Variants in ITPR2 observed in about 807,000 individuals in gnomAD.
ITPR2 encodes the protein inositol 1,4,5-trisphosphate receptor type 2.
Under a neutral mutation model 317.1 loss-of-function variants are expected in ITPR2, and 207 were observed. The observed-to-expected ratio is 0.65, with a 90% CI of 0.58 to 0.73. ITPR2 has a LOEUF of 0.73. Among genes scored for constraint, ITPR2 ranks in the 30% least tolerant of loss-of-function variants. The pLI is 0.00. For missense variants in ITPR2, 2,613 were observed against 3,284.0 expected, an observed-to-expected ratio of 0.80 and a Z score of 4.99; for synonymous variants, 1,156 against 1,149.1, an observed-to-expected ratio of 1.01 and a Z score of -0.12.
chr12:26,436,130 A>T, intron 48 of ITPR2, 91 bp downstream of exon 48: 1 of 1,232,418 alleles, frequency 8.1e-7, no homozygotes, highest in Non-Finnish European at 1.1e-6. Flanking sequence ...AAATCCATTT[A>T]ACAGGAATGA....
At chr12:26,534,955 T>A (rs1439197044) in intron 37 of ITPR2, among the ~76,000 whole-genome samples, 1 of 152,212 alleles carries the variant, frequency 6.6e-6, no homozygotes, top group Non-Finnish European at 1.5e-5. Flanking sequence ...AGAAATAAGT[T>A]CTGGTGTTCT....
chr12:26,593,131 T>A (rs1377502979), intron 32 of ITPR2, among the ~76,000 whole-genome samples: 1 of 152,194 alleles, frequency 6.6e-6, no homozygotes. Context: ...TCTTTTGAAA[T>A]CCCTACTCTT....
intron 50 of ITPR2, among the ~76,000 whole-genome samples, chr12:26,418,756 T>C (rs1940800558): frequency 1.3e-5 from 2 of 152,084 alleles, no homozygotes; most frequent in South Asian, 4.1e-4. Context: ...AAGGGAAATA[T>C]TAGTTGGCTG....
chr12:26,631,968 C>G lies in ITPR2; in HGVS notation c.2832G>C (p.Pro944=), dbSNP rs374132493. ...TCGGGTGGATGCTGGGTGGCACATC[C>G]GGCACGCTCATGGGGAAGATGGAGC... ...SRGSIFPMSV[P]DVPPSIHPSK... is the part of the protein sequence containing the mutation. The change falls in exon 22 of 57, where the codon CCG becomes CCC. Residue 944 remains proline, a synonymous_variant. Coordinates refer to ENST00000381340, the MANE Select transcript of ITPR2 (RefSeq NM_002223.4). The G allele has an allele frequency of 3.7e-6, 6 of 1,613,544 alleles. No individual in the cohort carries two copies. The highest frequency in any genetic ancestry group is 5.1e-6 in the Non-Finnish European group (6 of 1,179,842).
rs533834254 is a variant in ITPR2, at chr12:26,486,452, C to A, written c.5555-92G>T. On this transcript the variant is annotated intron_variant, in intron 40 of 56. Coordinates refer to ENST00000381340, the MANE Select transcript of ITPR2 (RefSeq NM_002223.4). Reference sequence around the variant, plus strand: ...CAAACCAGGTACCCAAATTCTCTAACAATTGAATTAAAAATAATCTGACAA... The same window carrying A: ...CAAACCAGGTACCCAAATTCTCTAAAAATTGAATTAAAAATAATCTGACAA... The A allele has an allele frequency of 2.9e-5, 29 of 1,011,282 alleles. No homozygotes were observed. The African/African-American group carries it at 3.7e-4, about 13-fold the overall frequency. The allele number at this position is 1,011,282 out of a possible 1,614,324, so 62.6% of individuals were successfully genotyped here.
Position 26,640,339 on chromosome 12 carries a change from G to A in ITPR2, c.2741-8280C>T, listed in dbSNP as rs188789571. Among the ~76,000 whole-genome samples the A allele has an allele frequency of 1.3e-4, 19 of 151,440 alleles. No homozygotes were observed. The East Asian group carries it at 1.9e-3, about 15-fold the overall frequency. On this transcript the variant is annotated intron_variant, in intron 21 of 56. Coordinates refer to ENST00000381340, the MANE Select transcript of ITPR2 (RefSeq NM_002223.4). Reference sequence around the variant, plus strand: ...GTTTACCTATGTAACAAACCGCTACGTCCTAAACATTTATCCCAGAACTTA... The same window carrying A: ...GTTTACCTATGTAACAAACCGCTACATCCTAAACATTTATCCCAGAACTTA...
At chr12:26,507,863 C>CTCTGTGTGTGTGTGTGTGTGTG (rs372756412) in intron 37 of ITPR2, among the ~76,000 whole-genome samples, 4 of 132,200 alleles carry the variant, frequency 3.0e-5, no homozygotes, top group Non-Finnish European at 5.0e-5. Context: ...CTCTCTGTCT[C>CTCTGTGTGTGTGTGTGTGTGTG]TGTGTGTGTG....
chr12:26,560,029 G>T (rs1312323668), intron 35 of ITPR2, among the ~76,000 whole-genome samples: 1 of 152,088 alleles, frequency 6.6e-6, no homozygotes. Context: ...TAGACCCCAT[G>T]GCTCTCTCTT....
intron 45 of ITPR2, among the ~76,000 whole-genome samples, chr12:26,457,652 T>C (rs1257546284): frequency 6.6e-6 from 1 of 152,168 alleles, no homozygotes; most frequent in Non-Finnish European, 1.5e-5. Flanking sequence ...GGGCAGATTC[T>C]GTAACATACG....
chr12:26,500,714 T>C (rs1326737722), intron 37 of ITPR2, among the ~76,000 whole-genome samples: 8 of 152,162 alleles, frequency 5.3e-5, no homozygotes, highest in Non-Finnish European at 1.5e-5. Context: ...TCCCACCCAC[T>C]CCCTGTTACA....
intron 2 of ITPR2, among the ~76,000 whole-genome samples, chr12:26,760,123 A>C (rs1949603848): frequency 6.6e-6 from 1 of 152,212 alleles, no homozygotes; most frequent in Non-Finnish European, 1.5e-5. Flanking sequence ...CACTTTATTC[A>C]TGTAGATTCA....
rs146137222 is a variant in ITPR2, at chr12:26,543,244, A to T, written c.5073+7003T>A. Among the ~76,000 whole-genome samples, 1,421 of 152,108 alleles carry T rather than the reference A, an allele frequency of 9.3e-3. 15 individuals carry two copies. Among genetic ancestry groups the T allele is most frequent in the African/African-American group, 0.031 (1,306 of 41,494 alleles). ...TAAGCTCTTTCTGTCTCCATTAGCA[A>T]CTCACCACTACACAGATTTGGACCT... On this transcript the variant is annotated intron_variant, in intron 37 of 56. Coordinates refer to ENST00000381340, the MANE Select transcript of ITPR2 (RefSeq NM_002223.4).
At chr12:26,663,093 C>T (rs957189518) in intron 15 of ITPR2, among the ~76,000 whole-genome samples, 2 of 152,184 alleles carry the variant, frequency 1.3e-5, no homozygotes, top group African/African-American at 4.8e-5. Context: ...TTAGGGGAAA[C>T]GTGTCCTTTC....
chr12:26,714,510 G>T (rs1948703685), intron 8 of ITPR2, among the ~76,000 whole-genome samples: 1 of 151,708 alleles, frequency 6.6e-6, no homozygotes, highest in Non-Finnish European at 1.5e-5. Flanking sequence ...CTTTATGTTA[G>T]AATTTGAGCA....
Position 26,548,812 on chromosome 12 carries a change from A to G in ITPR2, c.5073+1435T>C, listed in dbSNP as rs1944451796. ...GGTAATAAAAGCCTGAACTAGTGATAGCAGTGGGAATGGAAAGGAGAAAAC... is the reference window on the plus strand; with the variant it reads ...GGTAATAAAAGCCTGAACTAGTGATGGCAGTGGGAATGGAAAGGAGAAAAC... On this transcript the variant is annotated intron_variant, in intron 37 of 56. Coordinates refer to ENST00000381340, the MANE Select transcript of ITPR2 (RefSeq NM_002223.4). Among the ~76,000 whole-genome samples, 3 of 152,232 alleles carry G rather than the reference A, an allele frequency of 2.0e-5. No individual in the cohort carries two copies. In the South Asian group the frequency reaches 6.2e-4, roughly 31 times the overall value.
At chr12:26,788,796 C>A (rs534693740) in intron 2 of ITPR2, among the ~76,000 whole-genome samples, 1 of 152,292 alleles carries the variant, frequency 6.6e-6, no homozygotes, top group East Asian at 1.9e-4. Context: ...TTCCTCAGAT[C>A]TCTCCTCCAG....
chr12:26,807,075 G>A (rs1950650349), intron 1 of ITPR2, among the ~76,000 whole-genome samples: 1 of 151,980 alleles, frequency 6.6e-6, no homozygotes, highest in Non-Finnish European at 1.5e-5. Flanking sequence ...TGTAATCTTA[G>A]CTACTCAGGA....
intron 21 of ITPR2, among the ~76,000 whole-genome samples, chr12:26,633,510 C>CA (rs1379811365): frequency 6.6e-6 from 1 of 152,114 alleles, no homozygotes; most frequent in African/African-American, 2.4e-5. Flanking sequence ...TTGCATAAGC[C>CA]AAAAAACACG....
At chr12:26,706,152 G>A (rs1264361399) in intron 9 of ITPR2, among the ~76,000 whole-genome samples, 4 of 152,168 alleles carry the variant, frequency 2.6e-5, no homozygotes, top group South Asian at 2.1e-4. Context: ...TTCGTGTGGC[G>A]TGGCTGTTGA....
Sources: gnomAD v4.1 joint callset for allele counts (sites outside exome capture counted in the v4.1 genomes callset) on GRCh38, gnomAD v4.1.1 for gene constraint, MANE v1.5 for transcripts, NCBI Gene and HGNC (gene_info 2026-07-23, HGNC 2026-07-21) for gene names.